Variants in LRRC52 observed in about 807,000 individuals in gnomAD.
LRRC52 encodes the protein leucine rich repeat containing 52.
Under a neutral mutation model 14.7 loss-of-function variants are expected in LRRC52, and 15 were observed. The observed-to-expected ratio is 1.02, with a 90% confidence interval of 0.68 to 1.58. The LOEUF (loss-of-function observed/expected upper bound fraction) is 1.58, where lower values mean the gene tolerates loss of function less well. Ranked by LOEUF, LRRC52 falls within the 40% of genes most tolerant of loss-of-function variation. LRRC52 has a pLI of 0.00. For synonymous variants in LRRC52, 180 were observed against 163.9 expected (o/e 1.10, Z -0.75); for missense variants, 400 against 387.7 (o/e 1.03, Z -0.27).
Position 165,544,229 on chromosome 1 carries a change from C to CCCCCCCCCGA in LRRC52, c.-68_-67insCCCCCCCCGA. 1.4e-6 allele frequency: 2 copies of CCCCCCCCCGA among 1,476,570 alleles called. No homozygotes were observed. The highest frequency in any genetic ancestry group is 1.8e-6 in the Non-Finnish European group (2 of 1,101,700). 91.5% of individuals were successfully genotyped at this position (1,476,570 alleles called of 1,614,324 possible). On this transcript the variant is annotated 5_prime_UTR_variant, in exon 1 of 2. Coordinates refer to ENST00000294818, the MANE Select transcript of LRRC52 (RefSeq NM_001005214.4). ...CCCCTCCCCCGCCCCACCCCCCCAC[C>CCCCCCCCCGA]GGCAGCCTTCGGATCAGAGGACAGA...
Position 165,544,848 on chromosome 1 carries a change from C to A in LRRC52, c.552C>A (p.Asn184Lys). The A allele has an allele frequency of 6.2e-7, 1 of 1,614,130 alleles. No individual in the cohort carries two copies. Among genetic ancestry groups the A allele is most frequent in the Non-Finnish European group, 8.5e-7 (1 of 1,180,026 alleles). Residue 184 changes from asparagine to lysine, a missense_variant, in exon 1 of 2, where the codon AAC (asparagine) becomes AAA (lysine). Coordinates refer to ENST00000294818, the MANE Select transcript of LRRC52 (RefSeq NM_001005214.4). ...TGGAGACCCTGTTTCTGAGTGGAAACCCCTGGAAGTGCAACTGCTCTTTCC... is the reference window on the plus strand; with the variant it reads ...TGGAGACCCTGTTTCTGAGTGGAAAACCCTGGAAGTGCAACTGCTCTTTCC... ...TTLETLFLSG[N>K]PWKCNCSFLD...
intron 1 of LRRC52, 42 bp from the exon 2 acceptor site, chr1:165,563,463 C>A: frequency 6.4e-7 from 1 of 1,557,892 alleles, no homozygotes; most frequent in South Asian, 1.2e-5. Flanking sequence ...CGCTGGGAGT[C>A]ACGCTGTTTC....
At chr1:165,555,858 G>A (rs1413749764) in intron 1 of LRRC52, among the ~76,000 whole-genome samples, 1 of 152,238 alleles carries the variant, frequency 6.6e-6, no homozygotes, top group Admixed American at 6.5e-5. Flanking sequence ...TATCCATGAG[G>A]ACAACTGTCT....
chr1:165,550,715 C>A (rs1182895567), intron 1 of LRRC52, among the ~76,000 whole-genome samples: 1 of 152,140 alleles, frequency 6.6e-6, no homozygotes, highest in East Asian at 1.9e-4. Flanking sequence ...ATTATGTCCC[C>A]AACATTGCAT....
chr1:165,553,056 G>A (rs1661166194), intron 1 of LRRC52, among the ~76,000 whole-genome samples: 1 of 152,172 alleles, frequency 6.6e-6, no homozygotes, highest in African/African-American at 2.4e-5. Flanking sequence ...ATAGAGGACA[G>A]GGCATAAAAT....
At position 165,563,623 on chromosome 1, in the gene LRRC52, C is replaced by CCTG; in HGVS notation, c.747_749dup (p.Leu250dup). ...ACCTGGACCACAAAGACTACATCTT[C>CCTG]CTGCTGCTCATCGGCTTCTGCATCT... On this transcript the variant is annotated inframe_insertion, in exon 2 of 2. Transcript: ENST00000294818. The CCTG allele has an allele frequency of 6.2e-7, 1 of 1,614,270 alleles. No individual in the cohort carries two copies. Among genetic ancestry groups the CCTG allele is most frequent in the South Asian group, 1.1e-5 (1 of 91,082 alleles).
intron 1 of LRRC52, among the ~76,000 whole-genome samples, chr1:165,553,055 AG>A (rs1015613079): frequency 6.6e-6 from 1 of 152,218 alleles, no homozygotes; most frequent in Non-Finnish European, 1.5e-5. Flanking sequence ...AATAGAGGAC[AG>A]GGCATAAAAT....
intron 1 of LRRC52, among the ~76,000 whole-genome samples, chr1:165,561,349 G>T (rs10494444): frequency 0.062 from 9,444 of 152,230 alleles, 439 homozygotes; most frequent in African/African-American, 0.11. Flanking sequence ...TCCCATGTTT[G>T]CCTTTCTCAA....
At position 165,554,454 on chromosome 1, in the gene LRRC52, T is replaced by TTGTTG. The variant is rs1557965487; in HGVS notation, c.623-9050_623-9049insGTTGT. ...TGTTGTTGTTGTTGTTGTTGTTGTT[T>TTGTTG]TTTGGAGGCAGACTCTTGCTGCTCT... On this transcript the variant is annotated intron_variant, in intron 1 of 1. Coordinates refer to ENST00000294818, the MANE Select transcript of LRRC52 (RefSeq NM_001005214.4). Among the ~76,000 whole-genome samples the TTGTTG allele has an allele frequency of 2.5e-4, 20 of 79,032 alleles. No individual in the cohort carries two copies. In the East Asian group the frequency reaches 3.8e-3, roughly 15 times the overall value. 51.8% of individuals were successfully genotyped at this position (79,032 alleles called of 152,430 possible).
chr1:165,562,292 G>A (rs549037466), intron 1 of LRRC52, among the ~76,000 whole-genome samples: 2 of 152,132 alleles, frequency 1.3e-5, no homozygotes, highest in Non-Finnish European at 2.9e-5. Flanking sequence ...TTAGTGCATA[G>A]TAAGCACTTA....
chr1:165,561,104 T>C (rs564748384), intron 1 of LRRC52, among the ~76,000 whole-genome samples: 3 of 152,248 alleles, frequency 2.0e-5, no homozygotes, highest in African/African-American at 4.8e-5. Context: ...GATAATTCAG[T>C]GGGAGAGAAA....
chr1:165,544,140 T>C lies in LRRC52; in HGVS notation c.-157T>C, dbSNP rs1660960900. On this transcript the variant is annotated 5_prime_UTR_variant, in exon 1 of 2. Transcript: ENST00000294818. ...ATTGAGCCTCGCGTTTCAATTTCTG[T>C]TCAGTTCTCCTGTAATGGAAAATTG... 2.2e-6 allele frequency: 2 copies of C among 922,082 alleles called. No individual in the cohort carries two copies. The highest frequency in any genetic ancestry group is 1.6e-5 in the African/African-American group (1 of 60,626). The allele number at this position is 922,082 out of a possible 1,614,324, so 57.1% of individuals were successfully genotyped here. A position where few individuals can be genotyped will look rare whatever the true frequency, so the allele number is the denominator to read the frequency against.
At chr1:165,551,563 A>T (rs1350568374) in intron 1 of LRRC52, among the ~76,000 whole-genome samples, 1 of 152,162 alleles carries the variant, frequency 6.6e-6, no homozygotes, top group African/African-American at 2.4e-5. Flanking sequence ...TTGAGGACAG[A>T]GAGTCCCCTC....
At chr1:165,552,573 C>T (rs1661155494) in intron 1 of LRRC52, among the ~76,000 whole-genome samples, 1 of 152,136 alleles carries the variant, frequency 6.6e-6, no homozygotes, top group Admixed American at 6.5e-5. Context: ...CCTATGGCAA[C>T]AGTGAGGAGG....
In LRRC52 at chr1:165,544,460, C is replaced by T. The variant is rs760253181; in HGVS notation, c.164C>T (p.Thr55Ile). The T allele has an allele frequency of 2.5e-6, 4 of 1,614,132 alleles. No homozygotes were observed. The Admixed American group carries it at 6.7e-5, about 27-fold the overall frequency. The change falls in exon 1 of 2, where the codon ACC becomes ATC. Residue 55 changes from threonine (T) to isoleucine (I), a missense_variant. Physicochemically the swap from Thr to Ile is moderately conservative, Grantham distance 89. Coordinates refer to ENST00000294818, the MANE Select transcript of LRRC52 (RefSeq NM_001005214.4). ...TACCCCCTTGACATACCCCTGAACACCCGGAGGCTGTTCCTGAACGAGAAC... is the reference window on the plus strand; with the variant it reads ...TACCCCCTTGACATACCCCTGAACATCCGGAGGCTGTTCCTGAACGAGAAC... ...TEYPLDIPLN[T>I]RRLFLNENRI...
chr1:165,549,275 T>G (rs1370881091), intron 1 of LRRC52, among the ~76,000 whole-genome samples: 2 of 152,172 alleles, frequency 1.3e-5, no homozygotes, highest in Non-Finnish European at 2.9e-5. Flanking sequence ...AAGCTCTACC[T>G]AAAGACAAGC....
intron 1 of LRRC52, among the ~76,000 whole-genome samples, chr1:165,553,769 G>A (rs968495949): frequency 1.3e-5 from 2 of 152,098 alleles, no homozygotes; most frequent in African/African-American, 4.8e-5. Context: ...CATAGATGGG[G>A]GTGACTGTAA....
intron 1 of LRRC52, among the ~76,000 whole-genome samples, chr1:165,563,158 C>A (rs1219017656): frequency 6.6e-6 from 1 of 152,136 alleles, no homozygotes; most frequent in Non-Finnish European, 1.5e-5. Context: ...ACCTCCCCAC[C>A]CCTGTTGTGG....
chr1:165,545,089 G>T (rs1416536859), intron 1 of LRRC52, among the ~76,000 whole-genome samples, 171 bp downstream of exon 1: 2 of 152,116 alleles, frequency 1.3e-5, no homozygotes, highest in African/African-American at 2.4e-5. Context: ...GTAAGAAAAA[G>T]TTCTGAAATA....
Sources: gnomAD v4.1 joint callset for allele counts (sites outside exome capture counted in the v4.1 genomes callset) on GRCh38, gnomAD v4.1.1 for gene constraint, MANE v1.5 for transcripts, NCBI Gene and HGNC (gene_info 2026-07-23, HGNC 2026-07-21) for gene names.